The following SYCP1 variants were observed in gnomAD, a reference collection of about 807,000 sequenced individuals.
The protein encoded by SYCP1 is cancer/testis antigen 8.
In SYCP1, 64 loss-of-function variants were observed where a neutral mutation model predicts 153.1. That is an observed-to-expected ratio of 0.42 (90% CI 0.34 to 0.51). The LOEUF (loss-of-function observed/expected upper bound fraction) is 0.51, where lower values mean the gene tolerates loss of function less well. SYCP1 is among the 20% of genes least tolerant of loss of function. The probability of loss-of-function intolerance (pLI) is 0.06; values close to 1 mark genes in which losing one functional copy is unlikely to be tolerated. For missense variants in SYCP1, 997 were observed against 1,049.0 expected (o/e 0.95, Z 0.68); for synonymous variants, 384 against 341.8 (o/e 1.12, Z -1.36).
intron 10 of SYCP1, among the ~76,000 whole-genome samples, chr1:114,876,389 T>A (rs1042291840): frequency 6.6e-6 from 1 of 151,962 alleles, no homozygotes; most frequent in Non-Finnish European, 1.5e-5. Flanking sequence ...GAAATGTGAT[T>A]TGGTCTCTTT....
At chr1:114,952,389 C>T (rs1156454113) in intron 27 of SYCP1, among the ~76,000 whole-genome samples, 1 of 152,204 alleles carries the variant, frequency 6.6e-6, no homozygotes, top group African/African-American at 2.4e-5. Flanking sequence ...TTCTAATTTG[C>T]GTTTTTCTGC....
chr1:114,887,753 A>G, intron 15 of SYCP1, 60 bp downstream of exon 15: 1 of 1,068,374 alleles, frequency 9.4e-7, no homozygotes, highest in Admixed American at 2.8e-5. Flanking sequence ...AGAATCATAA[A>G]CACTGTTTTG....
rs777763831 is a variant in SYCP1, at chr1:114,895,508, T to G, written c.1319T>G (p.Leu440Trp). 2 of 1,494,710 alleles carry G rather than the reference T, an allele frequency of 1.3e-6. No individual in the cohort carries two copies. The highest frequency in any genetic ancestry group is 3.9e-5 in the Admixed American group (2 of 51,232). The allele number at this position is 1,494,710 out of a possible 1,614,324, so 92.6% of individuals were successfully genotyped here. A position where few individuals can be genotyped will look rare whatever the true frequency, so the allele number is the denominator to read the frequency against. ...GAACTTGAAGAATTGAAAAAAGTCT[T>G]GGTAAGTATAGTCTTTCCTATTAAT... is the stretch of plus-strand genomic sequence containing the variant. ...EVELEELKKV[L>W]GEKETLLYEN... Residue 440 changes from leucine (L) to tryptophan (W), a missense_variant and splice_region_variant, in exon 16 of 32, where the codon TTG (leucine) becomes TGG (tryptophan). Leu to Trp is a moderately conservative substitution (Grantham distance 61). Around this residue, in one of 2 missense-constraint regions of SYCP1, gnomAD observed 712 missense variants for 682.9 expected, o/e 1.04. Coordinates refer to ENST00000369522, the MANE Select transcript of SYCP1 (RefSeq NM_003176.4).
chr1:114,875,724 A>G (rs1665482862), intron 9 of SYCP1, among the ~76,000 whole-genome samples: 1 of 152,202 alleles, frequency 6.6e-6, no homozygotes, highest in Non-Finnish European at 1.5e-5. Flanking sequence ...TCATGGGGAG[A>G]GGCCTCACAT....
chr1:114,920,895 A>G (rs1187596302), intron 20 of SYCP1, among the ~76,000 whole-genome samples: 1 of 152,072 alleles, frequency 6.6e-6, no homozygotes, highest in African/African-American at 2.4e-5. Flanking sequence ...GTTTCTTGTT[A>G]GGCAACAGCC....
intron 3 of SYCP1, 96 bp from the exon 4 acceptor site, chr1:114,857,136 C>CAAGAAAAAAAAAAA: frequency 1.2e-5 from 3 of 242,712 alleles, no homozygotes; most frequent in Non-Finnish European, 1.8e-5. Context: ...CTCTCTCTCT[C>CAAGAAAAAAAAAAA]AAAAAAAAAA....
chr1:114,941,183 T>C (rs534133935), intron 23 of SYCP1, among the ~76,000 whole-genome samples: 1 of 152,134 alleles, frequency 6.6e-6, no homozygotes, highest in Non-Finnish European at 1.5e-5. Context: ...GATACTGTAT[T>C]GTCCATTTAA....
chr1:114,912,300 T>A (rs1668232251), intron 18 of SYCP1, among the ~76,000 whole-genome samples: 1 of 152,018 alleles, frequency 6.6e-6, no homozygotes, highest in South Asian at 2.1e-4. Context: ...AAATTTGTTA[T>A]CCTTAGTATA....
At chr1:114,950,143 C>A (rs1670999792) in intron 27 of SYCP1, among the ~76,000 whole-genome samples, 1 of 152,170 alleles carries the variant, frequency 6.6e-6, no homozygotes, top group South Asian at 2.1e-4. Flanking sequence ...GGAATGTGAG[C>A]AAAAGTGGCT....
chr1:114,945,780 G>T (rs1469988578), intron 25 of SYCP1, among the ~76,000 whole-genome samples: 2 of 114,744 alleles, frequency 1.7e-5, no homozygotes, highest in African/African-American at 5.4e-5. Flanking sequence ...TTTTTTTGAT[G>T]TAATAATTTT....
chr1:114,911,281 A>T (rs1668158772), intron 17 of SYCP1, among the ~76,000 whole-genome samples, 198 bp from the exon 18 acceptor site: 1 of 152,034 alleles, frequency 6.6e-6, no homozygotes, highest in African/African-American at 2.4e-5. Flanking sequence ...TCGAGATAGA[A>T]TTTACTTATA....
At position 114,944,369 on chromosome 1, in the gene SYCP1, G is replaced by T. The variant is rs1489494776; in HGVS notation, c.1957G>T (p.Ala653Ser). Residue 653 changes from alanine (A) to serine (S), a missense_variant, in exon 24 of 32, where the codon GCC (alanine) becomes TCC (serine). Physicochemically the swap from Ala to Ser is moderately conservative, Grantham distance 99. Around this residue, in one of 2 missense-constraint regions of SYCP1, gnomAD observed 712 missense variants for 682.9 expected, o/e 1.04. Coordinates refer to ENST00000369522, the MANE Select transcript of SYCP1 (RefSeq NM_003176.4). ...TAAATTAGAGTTAGAACTAGAAAGT[G>T]CCAAACAGAAATTTGGAGAAATCAC... ...VNKLELELES[A>S]KQKFGEITDT... 3.7e-6 allele frequency: 6 copies of T among 1,604,916 alleles called. No homozygotes were observed. The highest frequency in any genetic ancestry group is 5.1e-6 in the Non-Finnish European group (6 of 1,175,486).
chr1:114,928,780 T>G (rs923519381), intron 23 of SYCP1, among the ~76,000 whole-genome samples: 1 of 152,184 alleles, frequency 6.6e-6, no homozygotes, highest in Non-Finnish European at 1.5e-5. Context: ...AAATAGAGTT[T>G]GGTAAGTTAG....
intron 27 of SYCP1, among the ~76,000 whole-genome samples, chr1:114,960,414 C>T (rs1281534623): frequency 6.6e-6 from 1 of 152,146 alleles, no homozygotes; most frequent in African/African-American, 2.4e-5. Context: ...GTGATCCACT[C>T]GCCTTGGCCT....
intron 27 of SYCP1, among the ~76,000 whole-genome samples, chr1:114,955,108 C>A (rs556496967): frequency 6.6e-6 from 1 of 152,088 alleles, no homozygotes; most frequent in Non-Finnish European, 1.5e-5. Flanking sequence ...TTTTAAAAAT[C>A]GTGAATTGGT....
At chr1:114,894,260 C>G (rs573594384) in intron 15 of SYCP1, among the ~76,000 whole-genome samples, 2 of 152,030 alleles carry the variant, frequency 1.3e-5, no homozygotes, top group Admixed American at 6.5e-5. Context: ...TGTTAATTTT[C>G]TTTAAAGACT....
chr1:114,871,796 GACTGGTCTTGA>G (rs1665152440), intron 8 of SYCP1, among the ~76,000 whole-genome samples: 1 of 152,104 alleles, frequency 6.6e-6, no homozygotes, highest in South Asian at 2.1e-4. Flanking sequence ...ATGTTGGCCA[GACTGGTCTTGA>G]ACTCCTGACC....
intron 23 of SYCP1, among the ~76,000 whole-genome samples, chr1:114,933,846 G>A (rs752346494): frequency 1.3e-5 from 2 of 152,138 alleles, no homozygotes; most frequent in Non-Finnish European, 2.9e-5. Context: ...AGCGAGAAGA[G>A]AAGTTTAGAG....
chr1:114,962,744 G>A (rs1026078670), intron 27 of SYCP1, among the ~76,000 whole-genome samples: 2 of 151,736 alleles, frequency 1.3e-5, no homozygotes, highest in African/African-American at 4.8e-5. Flanking sequence ...TTTTTTCATT[G>A]TGTTATTGTT....
Sources: allele counts gnomAD v4.1 joint callset (sites outside exome capture counted in the v4.1 genomes callset), GRCh38; gene constraint gnomAD v4.1.1; regional missense constraint gnomAD v4.1.1; transcripts MANE v1.5; gene names NCBI Gene and HGNC (gene_info 2026-07-23, HGNC 2026-07-21).